AP1M1: variants seen among roughly 807,000 people sequenced by gnomAD.
The protein encoded by AP1M1 is adaptor related protein complex 1 subunit mu 1.
Under a neutral mutation model 57.1 loss-of-function variants are expected in AP1M1, and 18 were observed. The observed-to-expected ratio is 0.32, with a 90% CI of 0.22 to 0.47. The LOEUF (loss-of-function observed/expected upper bound fraction) is 0.47, where lower values mean the gene tolerates loss of function less well. Ranked by LOEUF, AP1M1 falls within the 20% of genes least tolerant of loss-of-function variation. The probability of loss-of-function intolerance (pLI) is 1.00; values close to 1 mark genes in which losing one functional copy is unlikely to be tolerated. For synonymous variants in AP1M1, 241 were observed against 237.9 expected (o/e 1.01, Z -0.12); for missense variants, 362 against 593.5 (o/e 0.61, Z 4.05).
At chr19:16,201,651 G>A (rs2091447889) in intron 1 of AP1M1, among the ~76,000 whole-genome samples, 2 of 152,170 alleles carry the variant, frequency 1.3e-5, no homozygotes, top group South Asian at 4.1e-4. Flanking sequence ...GCCTGCCTCA[G>A]CCTCCCAAAG....
chr19:16,209,619 GA>G (rs11305393), intron 5 of AP1M1, among the ~76,000 whole-genome samples: 81,718 of 146,744 alleles, frequency 0.56, 25,165 homozygotes, highest in Non-Finnish European at 0.71. Context: ...ACCATGCACA[GA>G]AAAAAAAAAA....
chr19:16,243,432 C>CAT lies in AP1M1; in HGVS notation c.*8997_*8998insAT, dbSNP rs1555726565. ...TACAGGTGAGCACCACCAAGCTCAGCTATTTTTTTTTTTTTTTTGTATTTT... is the reference window on the plus strand; with the variant it reads ...TACAGGTGAGCACCACCAAGCTCAGCATTATTTTTTTTTTTTTTTTGTATTTT... On this transcript the variant is annotated 3_prime_UTR_variant, in exon 12 of 12. Coordinates refer to ENST00000291439, the MANE Select transcript of AP1M1 (RefSeq NM_032493.4). 2.4e-5 allele frequency: 3 copies of CAT among 124,318 alleles called. No individual in the cohort carries two copies. In the South Asian group the frequency reaches 7.8e-4, roughly 32 times the overall value. The allele number at this position is 124,318 out of a possible 1,614,324, so 7.7% of individuals were successfully genotyped here.
chr19:16,200,291 C>T (rs1422656028), intron 1 of AP1M1, among the ~76,000 whole-genome samples: 2 of 152,100 alleles, frequency 1.3e-5, no homozygotes, highest in South Asian at 2.1e-4. Context: ...CTGAAGAGGG[C>T]GACGCTGGAA....
In AP1M1 at chr19:16,244,882, T is replaced by TTTTTTGTTG. The variant is rs370663435; in HGVS notation, c.*10449_*10450insTTTGTTGTT. 12,445 of 149,494 alleles carry TTTTTTGTTG rather than the reference T, an allele frequency of 0.083. 880 individuals are homozygous for TTTTTTGTTG. Among genetic ancestry groups the TTTTTTGTTG allele is most frequent in the African/African-American group, 0.19 (7,762 of 39,966 alleles). The allele number at this position is 149,494 out of a possible 1,614,324, so 9.3% of individuals were successfully genotyped here. A position where few individuals can be genotyped will look rare whatever the true frequency, so the allele number is the denominator to read the frequency against. On this transcript the variant is annotated 3_prime_UTR_variant, in exon 12 of 12. Coordinates refer to ENST00000291439, the MANE Select transcript of AP1M1 (RefSeq NM_032493.4). ...TAAATAACATGGATAAAATTTGTTG[T>TTTTTTGTTG]TTGTTGTTGTTGTTGTTGTTGTTGT...
intron 5 of AP1M1, among the ~76,000 whole-genome samples, chr19:16,215,221 A>AGGG (rs1568351096): frequency 2.8e-4 from 1 of 3,576 alleles, no homozygotes; most frequent in Admixed American, 2.2e-3. Context: ...GAGAGGGGGG[A>AGGG]GGGGGGAGGG....
Position 16,228,926 on chromosome 19 carries a change from C to A in AP1M1, c.1045C>A (p.Pro349Thr), listed in dbSNP as rs766509522. The change falls in exon 9 of 12, where the codon CCG (proline) becomes ACG (threonine). Residue 349 changes from proline to threonine, a missense_variant and splice_region_variant. Transcript: ENST00000291439. This position sits in a 1 kb window ranked among gnomAD's most constrained non-coding sequence, Gnocchi z 5.0. ...GATCGTGTGGTCCATCAAGTCCTTC[C>A]CGGTGAGCACTCTGTCCAGACATCC... is the stretch of plus-strand genomic sequence containing the variant. ...SEIVWSIKSFPGGKEYLMRAH... is the reference protein window; with the variant it reads ...SEIVWSIKSFTGGKEYLMRAH... 8 of 1,613,846 alleles carry A rather than the reference C, an allele frequency of 5.0e-6. No homozygotes were observed. Among genetic ancestry groups the A allele is most frequent in the Non-Finnish European group, 5.1e-6 (6 of 1,179,818 alleles).
chr19:16,209,614 G>A (rs1408078879), intron 5 of AP1M1, among the ~76,000 whole-genome samples: 1 of 110,172 alleles, frequency 9.1e-6, no homozygotes, highest in Non-Finnish European at 2.4e-5. Flanking sequence ...CAGTCACCAT[G>A]CACAGAAAAA....
At chr19:16,198,153 C>T (rs1415033463) in intron 1 of AP1M1, 85 bp downstream of exon 1, 31 of 1,497,654 alleles carry the variant, frequency 2.1e-5, no homozygotes, top group Non-Finnish European at 2.2e-5. Flanking sequence ...GCTAGGTAAC[C>T]GGCTTATGAG....
intron 1 of AP1M1, among the ~76,000 whole-genome samples, chr19:16,201,463 A>G (rs201353496): frequency 5.9e-5 from 1 of 16,912 alleles, no homozygotes; most frequent in African/African-American, 9.3e-5. Flanking sequence ...CAATGGCACA[A>G]TCTCGGCTCA....
intron 11 of AP1M1, 35 bp downstream of exon 11, chr19:16,234,309 C>T (rs781252643): frequency 9.3e-6 from 15 of 1,612,914 alleles, no homozygotes; most frequent in East Asian, 6.7e-5. Context: ...TGGGGTTGTA[C>T]TGAGGGGTCC....
chr19:16,202,786 T>TA (rs1233211578), intron 1 of AP1M1, among the ~76,000 whole-genome samples: 1 of 152,248 alleles, frequency 6.6e-6, no homozygotes, highest in East Asian at 1.9e-4. Context: ...AAGCTGCTGT[T>TA]AAGATTCTCG....
At chr19:16,223,139 A>G (rs563963118) in intron 5 of AP1M1, among the ~76,000 whole-genome samples, 1 of 152,270 alleles carries the variant, frequency 6.6e-6, no homozygotes, top group Admixed American at 6.5e-5. Context: ...CCAACAGCCA[A>G]TCTTACTTTC....
rs899970458 is a variant in AP1M1, at chr19:16,228,428, C to T, written c.888+220C>T. 1.3e-5 allele frequency among the ~76,000 whole-genome samples: 2 copies of T among 152,154 alleles called. No individual in the cohort carries two copies. Among genetic ancestry groups the T allele is most frequent in the African/African-American group, 4.8e-5 (2 of 41,424 alleles). On this transcript the variant is annotated intron_variant, in intron 8 of 11. Coordinates refer to ENST00000291439, the MANE Select transcript of AP1M1 (RefSeq NM_032493.4). The surrounding 1 kb of genome is among the most constrained non-coding windows in gnomAD (Gnocchi z 5.0). ...CCTGTAGCCAGGCATCCAGGACACT[C>T]CCAGAGGTGTTGCCCCCAGGTGGAG...
intron 2 of AP1M1, among the ~76,000 whole-genome samples, chr19:16,204,841 T>C (rs971647244): frequency 2.0e-5 from 3 of 151,450 alleles, no homozygotes; most frequent in African/African-American, 7.3e-5. Flanking sequence ...GGCTTTTTTT[T>C]TTTTTTTGAG....
In AP1M1 at chr19:16,214,353, G is replaced by A. The variant is rs375664523; in HGVS notation, c.546+5176G>A. Among the ~76,000 whole-genome samples the A allele has an allele frequency of 2.7e-3, 305 of 111,054 alleles. 1 individual carries two copies. Among genetic ancestry groups the A allele is most frequent in the African/African-American group, 8.3e-3 (286 of 34,336 alleles). 72.9% of individuals were successfully genotyped at this position (111,054 alleles called of 152,430 possible). On this transcript the variant is annotated intron_variant, in intron 5 of 11. Transcript: ENST00000291439. ...ATTACAGGCGTGAGCCACTGCACCC[G>A]GCCTTTTTTTTTTTTTGAGATGGAG...
rs2091646922 is a variant in AP1M1 at position 16,241,865 on chromosome 19, T to C, written c.*7430T>C. On this transcript the variant is annotated 3_prime_UTR_variant, in exon 12 of 12. Transcript: ENST00000291439. ...AAAATTAGCCGGGTGTGGTGGTGCA[T>C]GCCTATAATCCCAGCTACTCGGGAG... 1 of 151,984 alleles carries C rather than the reference T, an allele frequency of 6.6e-6. No homozygotes were observed. The highest frequency in any genetic ancestry group is 1.5e-5 in the Non-Finnish European group (1 of 68,140). The allele number at this position is 151,984 out of a possible 1,614,324, so 9.4% of individuals were successfully genotyped here. A position where few individuals can be genotyped will look rare whatever the true frequency, so the allele number is the denominator to read the frequency against.
At chr19:16,201,792 G>A (rs1189998140) in intron 1 of AP1M1, among the ~76,000 whole-genome samples, 1 of 152,208 alleles carries the variant, frequency 6.6e-6, no homozygotes, top group Non-Finnish European at 1.5e-5. Context: ...AACAGATGTG[G>A]ATCACTCAGA....
chr19:16,197,922 T>C lies in AP1M1; in HGVS notation c.-105T>C. ...CGGCTCCCCGAACCGGAAGTGGAGG[T>C]GAGCTGTCGCGGGCGGCGCCCGGCC... On this transcript the variant is annotated 5_prime_UTR_variant, in exon 1 of 12. Transcript: ENST00000291439. 1.1e-6 allele frequency: 1 copy of C among 940,482 alleles called. No homozygotes were observed. Among genetic ancestry groups the C allele is most frequent in the South Asian group, 1.8e-5 (1 of 54,222 alleles). The allele number at this position is 940,482 out of a possible 1,614,324, so 58.3% of individuals were successfully genotyped here.
In AP1M1 at chr19:16,211,611, G is replaced by A. The variant is rs146359859; in HGVS notation, c.546+2434G>A. 4.4e-3 allele frequency among the ~76,000 whole-genome samples: 665 copies of A among 152,158 alleles called. 8 individuals carry two copies. Among genetic ancestry groups the A allele is most frequent in the East Asian group, 0.035 (181 of 5,172 alleles). On this transcript the variant is annotated intron_variant, in intron 5 of 11. Coordinates refer to ENST00000291439, the MANE Select transcript of AP1M1 (RefSeq NM_032493.4). ...CTAAAAATAGGAAAATTAGCCGGGCGTGGTGATGCGCGCCTGTAATCCCAG... is the reference window on the plus strand; with the variant it reads ...CTAAAAATAGGAAAATTAGCCGGGCATGGTGATGCGCGCCTGTAATCCCAG...
Sources: allele counts gnomAD v4.1 joint callset (sites outside exome capture counted in the v4.1 genomes callset), GRCh38; gene constraint gnomAD v4.1.1; non-coding constraint Gnocchi (gnomAD v3.1); transcripts MANE v1.5; gene names NCBI Gene and HGNC (gene_info 2026-07-23, HGNC 2026-07-21).